ZFYVE26: variants seen among roughly 807,000 people sequenced by gnomAD.
The protein encoded by ZFYVE26 is zinc finger FYVE domain-containing protein 26.
ZFYVE26 carries 181 observed loss-of-function variants against 276.5 expected under a neutral mutation model. The observed-to-expected ratio is 0.65, with a 90% CI of 0.58 to 0.74. The LOEUF (loss-of-function observed/expected upper bound fraction) is 0.74. Ranked by LOEUF, ZFYVE26 falls within the 30% of genes least tolerant of loss-of-function variation. The probability of loss-of-function intolerance (pLI) is 0.00; values close to 1 mark genes in which losing one functional copy is unlikely to be tolerated. For synonymous variants in ZFYVE26, 1,129 were observed against 1,203.1 expected (o/e 0.94, Z 1.27); for missense variants, 2,821 against 3,097.9 (o/e 0.91, Z 2.12).
rs1482386637 is a variant in ZFYVE26 at position 67,762,188 on chromosome 14, C to T, written c.6369+15G>A. On this transcript the variant is annotated intron_variant, in intron 34 of 41. Transcript: ENST00000347230. Reference sequence around the variant, plus strand: ...TCCCTCCCTGAGCCAGGCACTCTTCCTGCCTTGCTCTTACCAAGGATACAA... The same window carrying T: ...TCCCTCCCTGAGCCAGGCACTCTTCTTGCCTTGCTCTTACCAAGGATACAA... 6 of 1,612,310 alleles carry T rather than the reference C, an allele frequency of 3.7e-6. No homozygotes were observed. In the South Asian group the frequency reaches 6.6e-5, roughly 18 times the overall value.
rs1334495435 is a variant in ZFYVE26, at chr14:67,772,135, G to A, written c.5396C>T (p.Pro1799Leu). The A allele has an allele frequency of 6.2e-7, 1 of 1,613,196 alleles. No homozygotes were observed. The highest frequency in any genetic ancestry group is 8.5e-7 in the Non-Finnish European group (1 of 1,179,822). The change falls in exon 28 of 42, where the codon CCC becomes CTC. Residue 1799 changes from proline to leucine, a missense_variant. Physicochemically the swap from Pro to Leu is moderately conservative, Grantham distance 98. Transcript: ENST00000347230. ...GTGCCTGGCAGGGGGTGTCGCTGGG[G>A]GCACAAATTCCTGTGAGGGCTGGGT... is the stretch of plus-strand genomic sequence containing the variant. ...PPTQPSQEFV[P>L]PATPPARHQW...
intron 12 of ZFYVE26, chr14:67,797,389 C>A: frequency 2.2e-6 from 1 of 461,692 alleles, no homozygotes; most frequent in Non-Finnish European, 4.0e-6. Context: ...TATAATACAT[C>A]TGTATATATA....
At position 67,755,155 on chromosome 14, in the gene ZFYVE26, CT is replaced by C; in HGVS notation, c.6881del (p.Lys2294ArgfsTer6). 1 of 1,614,030 alleles carries C rather than the reference CT, an allele frequency of 6.2e-7. No individual in the cohort carries two copies. Among genetic ancestry groups the C allele is most frequent in the Non-Finnish European group, 8.5e-7 (1 of 1,179,986 alleles). On this transcript the variant is annotated frameshift_variant, in exon 37 of 42. Transcript: ENST00000347230. LOFTEE classifies it high-confidence loss of function. ...ELGEKLSWLL[K>X]AKDHLKIYLQ... Reference sequence around the variant, plus strand: ...GGTAGATCTTCAGGTGGTCCTTGGCCTTAAGTAGCCATGAGAGCTTCTCTCC... The same window carrying C: ...GGTAGATCTTCAGGTGGTCCTTGGCCTAAGTAGCCATGAGAGCTTCTCTCC...
In ZFYVE26 at chr14:67,782,775, C is replaced by T. The variant is rs1483459319; in HGVS notation, c.4372+5G>A. The T allele has an allele frequency of 6.2e-7, 1 of 1,614,004 alleles. No individual in the cohort carries two copies. The highest frequency in any genetic ancestry group is 2.2e-5 in the East Asian group (1 of 44,900). Reference sequence around the variant, plus strand: ...TGAAAAAGGGAGGCATAGCATTCTGCTCACCACATGCCACAGCACAGCTCA... The same window carrying T: ...TGAAAAAGGGAGGCATAGCATTCTGTTCACCACATGCCACAGCACAGCTCA... On this transcript the variant is annotated splice_donor_5th_base_variant and intron_variant, in intron 21 of 41. Transcript: ENST00000347230.
chr14:67,790,504 T>C, intron 15 of ZFYVE26, 68 bp downstream of exon 15: 1 of 1,536,298 alleles, frequency 6.5e-7, no homozygotes, highest in Non-Finnish European at 9.0e-7. Flanking sequence ...AGGATTTTAG[T>C]GGTTTCTCCC....
At position 67,798,490 on chromosome 14, in the gene ZFYVE26, G is replaced by A. The variant is rs2040008039; in HGVS notation, c.1772C>T (p.Pro591Leu). The change falls in exon 11 of 42, where the codon CCA (proline) becomes CTA (leucine). Residue 591 changes from proline to leucine, a missense_variant. Coordinates refer to ENST00000347230, the MANE Select transcript of ZFYVE26 (RefSeq NM_015346.4). ...LLLITSADLH[P>L]EPHLPEDYAE... Reference sequence around the variant, plus strand: ...ATAGTCCTCAGGCAAGTGAGGCTCTGGGTGAAGATCAGCAGAGGTGATGAG... The same window carrying A: ...ATAGTCCTCAGGCAAGTGAGGCTCTAGGTGAAGATCAGCAGAGGTGATGAG... The A allele has an allele frequency of 6.2e-7, 1 of 1,614,170 alleles. No homozygotes were observed. The highest frequency in any genetic ancestry group is 1.7e-5 in the Admixed American group (1 of 60,026).
intron 4 of ZFYVE26, among the ~76,000 whole-genome samples, chr14:67,808,801 T>C (rs1309124355): frequency 5.9e-5 from 9 of 152,050 alleles, no homozygotes; most frequent in Non-Finnish European, 1.3e-4. Context: ...GGCACTAAAG[T>C]AGTAACTGAT....
At chr14:67,801,802 T>C (rs925516436) in intron 10 of ZFYVE26, among the ~76,000 whole-genome samples, 3 of 152,226 alleles carry the variant, frequency 2.0e-5, no homozygotes, top group African/African-American at 4.8e-5. Flanking sequence ...TGGAGTAGGA[T>C]GTAAAATGCT....
chr14:67,769,997 TG>T (rs934119674), intron 28 of ZFYVE26: 1 of 505,788 alleles, frequency 2.0e-6, no homozygotes, highest in African/African-American at 1.9e-5. Flanking sequence ...AGGCAACATG[TG>T]GAAAAACAAG....
At chr14:67,756,986 T>C (rs2038794817) in intron 35 of ZFYVE26, among the ~76,000 whole-genome samples, 1 of 152,214 alleles carries the variant, frequency 6.6e-6, no homozygotes, top group African/African-American at 2.4e-5. Context: ...GTCTCCATTC[T>C]TTTAGTTGTT....
chr14:67,732,167 C>T (rs903538203), intron 13 of ZFYVE26, among the ~76,000 whole-genome samples: 4 of 146,332 alleles, frequency 2.7e-5, no homozygotes, highest in Non-Finnish European at 4.5e-5. Context: ...CTGGGTGTGG[C>T]GGCTCATGCC....
rs2039639291 is a variant in ZFYVE26 at position 67,785,888 on chromosome 14, G to A, written c.3274C>T (p.Gln1092Ter). 6.2e-7 allele frequency: 1 copy of A among 1,614,168 alleles called. No homozygotes were observed. Among genetic ancestry groups the A allele is most frequent in the Non-Finnish European group, 8.5e-7 (1 of 1,180,042 alleles). ...AGCTCTAGTGCCTCTCTCAGTGACTGAAGGACCTGATCTAGCTGCTGGGAG... is the reference window on the plus strand; with the variant it reads ...AGCTCTAGTGCCTCTCTCAGTGACTAAAGGACCTGATCTAGCTGCTGGGAG... ...TLSQQLDQVL[Q>*]SLREALELPE... Residue 1092 changes from glutamine to a stop codon, truncating the protein, a stop_gained, in exon 18 of 42, where the codon CAG becomes TAG. Transcript: ENST00000347230. LOFTEE classifies it high-confidence loss of function.
Position 67,790,515 on chromosome 14 carries a change from C to T in ZFYVE26, c.2755+57G>A, listed in dbSNP as rs957856852. On this transcript the variant is annotated intron_variant, in intron 15 of 41. Coordinates refer to ENST00000347230, the MANE Select transcript of ZFYVE26 (RefSeq NM_015346.4). ...GCCTAGGATTTTAGTGGTTTCTCCC[C>T]TTTTACCCCCTCTCCCAGCCACCTC... 3.1e-6 allele frequency: 5 copies of T among 1,590,400 alleles called. No homozygotes were observed. The African/African-American group carries it at 4.0e-5, about 13-fold the overall frequency.
At chr14:67,752,668 A>G (rs2038680680) in intron 39 of ZFYVE26, 142 bp from the exon 40 acceptor site, 2 of 933,084 alleles carry the variant, frequency 2.1e-6, no homozygotes, top group Admixed American at 2.0e-5. Context: ...AAATATACCA[A>G]ACAAAAAGCA....
intron 32 of ZFYVE26, among the ~76,000 whole-genome samples, chr14:67,764,879 A>G (rs11158692): frequency 0.3 from 46,039 of 152,108 alleles, 7,419 homozygotes; most frequent in East Asian, 0.54. Flanking sequence ...ATTACATTTT[A>G]AAGGAAATAC....
chr14:67,742,413 A>G (rs1409326906), downstream of ZFYVE26, among the ~76,000 whole-genome samples: 1 of 152,228 alleles, frequency 6.6e-6, no homozygotes, highest in Non-Finnish European at 1.5e-5. Context: ...TGTCATGTAT[A>G]TTTTAGCATA....
In ZFYVE26 at chr14:67,809,384, G is replaced by A. The variant is rs573174853; in HGVS notation, c.274-95C>T. 83 of 769,136 alleles carry A rather than the reference G, an allele frequency of 1.1e-4. 1 individual carries two copies. In the South Asian group the frequency reaches 1.3e-3, roughly 12 times the overall value. The allele number at this position is 769,136 out of a possible 1,614,324, so 47.6% of individuals were successfully genotyped here. A position where few individuals can be genotyped will look rare whatever the true frequency, so the allele number is the denominator to read the frequency against. On this transcript the variant is annotated intron_variant, in intron 3 of 41. Coordinates refer to ENST00000347230, the MANE Select transcript of ZFYVE26 (RefSeq NM_015346.4). ...TTTCTGTCCAGTTAGTCTTATTTCT[G>A]CTATTTCTCTAAGATGAAGCACTCT...
intron 3 of ZFYVE26, among the ~76,000 whole-genome samples, chr14:67,809,525 C>T (rs1449132983): frequency 6.0e-5 from 9 of 149,928 alleles, no homozygotes; most frequent in African/African-American, 1.5e-4. Flanking sequence ...CAGCTTCAAG[C>T]GATTCTCAGG....
At chr14:67,774,355 T>C (rs1231332753) in intron 27 of ZFYVE26, among the ~76,000 whole-genome samples, 3 of 152,296 alleles carry the variant, frequency 2.0e-5, no homozygotes, top group East Asian at 1.9e-4. Flanking sequence ...AAAAATTAGC[T>C]GGGTGTGGTG....
Sources: allele counts gnomAD v4.1 joint callset (sites outside exome capture counted in the v4.1 genomes callset), GRCh38; gene constraint gnomAD v4.1.1; transcripts MANE v1.5; gene names NCBI Gene and HGNC (gene_info 2026-07-23, HGNC 2026-07-21).